Variants in ANXA4 observed in about 807,000 individuals in gnomAD.
ANXA4 encodes the protein 35-beta calcimedin.
Under a neutral mutation model 49.8 loss-of-function variants are expected in ANXA4, and 39 were observed. That is an observed-to-expected ratio of 0.78 (90% CI 0.61 to 1.02). The LOEUF is 1.02. Among genes scored for constraint, ANXA4 ranks in the 50% least tolerant of loss-of-function variants. ANXA4 has a pLI of 0.00. For synonymous variants in ANXA4, 134 were observed against 152.5 expected (o/e 0.88, Z 0.89); for missense variants, 360 against 410.1 (o/e 0.88, Z 1.05).
At chr2:69,651,817 T>TGGG (rs1218915002) in intron 1 of ANXA4, among the ~76,000 whole-genome samples, 30 of 12,564 alleles carry the variant, frequency 2.4e-3, no homozygotes, top group Non-Finnish European at 4.0e-3. Flanking sequence ...TTTTTTTTTT[T>TGGG]GGGGGGGGGG....
At chr2:69,644,237 C>T (rs1020023282), upstream of ANXA4, among the ~76,000 whole-genome samples, 16 of 143,870 alleles carry the variant, frequency 1.1e-4, no homozygotes, top group East Asian at 3.3e-3. Flanking sequence ...CCTCCTGGCA[C>T]AAGGGATTCT....
chr2:69,649,092 G>C (rs1168377367), intron 1 of ANXA4, among the ~76,000 whole-genome samples: 1 of 151,788 alleles, frequency 6.6e-6, no homozygotes. Context: ...CTCCATGTTG[G>C]TCAGGCTGGT....
At chr2:69,709,981 CTT>C (rs974347199) in intron 2 of ANXA4, among the ~76,000 whole-genome samples, 140 of 96,998 alleles carry the variant, frequency 1.4e-3, no homozygotes, top group African/African-American at 5.6e-3. Flanking sequence ...CACTTCCAGG[CTT>C]TTTTTTTTTT....
At chr2:69,728,527 G>A (rs1670019278) in intron 3 of ANXA4, among the ~76,000 whole-genome samples, 2 of 152,054 alleles carry the variant, frequency 1.3e-5, no homozygotes, top group Non-Finnish European at 2.9e-5. Flanking sequence ...TGTTTGAATG[G>A]CCAATCTATC....
chr2:69,807,470 T>C (rs1434370274), intron 5 of ANXA4, among the ~76,000 whole-genome samples: 1 of 152,176 alleles, frequency 6.6e-6, no homozygotes, highest in African/African-American at 2.4e-5. Context: ...TGTATTGTAC[T>C]CCTCATCATA....
chr2:69,766,924 T>TG (rs893192352), intron 1 of ANXA4, among the ~76,000 whole-genome samples: 6 of 152,224 alleles, frequency 3.9e-5, no homozygotes, highest in African/African-American at 1.4e-4. Flanking sequence ...GCACTCTTTC[T>TG]GGGGGGCAAG....
At chr2:69,820,941 C>A in intron 12 of ANXA4, 120 bp downstream of exon 12, 1 of 1,108,656 alleles carries the variant, frequency 9.0e-7, no homozygotes, top group Non-Finnish European at 1.2e-6. Flanking sequence ...AAAGATTATG[C>A]TCCCGATATT....
At chr2:69,819,805 C>T (rs566642240) in intron 11 of ANXA4, among the ~76,000 whole-genome samples, 16 of 152,130 alleles carry the variant, frequency 1.1e-4, no homozygotes, top group African/African-American at 1.4e-4. Flanking sequence ...CGGTGGCTCA[C>T]GCCTGTAATC....
At chr2:69,709,967 C>T (rs1467181924) in intron 2 of ANXA4, among the ~76,000 whole-genome samples, 1 of 149,838 alleles carries the variant, frequency 6.7e-6, no homozygotes, top group Non-Finnish European at 1.5e-5. Flanking sequence ...ATTATGGCAG[C>T]ATGCACTTCC....
intron 3 of ANXA4, among the ~76,000 whole-genome samples, chr2:69,794,196 C>G (rs1026400533): frequency 2.0e-5 from 3 of 152,186 alleles, no homozygotes; most frequent in African/African-American, 7.2e-5. Flanking sequence ...TTTGAGGAGG[C>G]AATTGTTTGT....
At chr2:69,807,839 C>T (rs1673511715) in intron 5 of ANXA4, 67 bp from the exon 6 acceptor site, 1 of 1,313,580 alleles carries the variant, frequency 7.6e-7, no homozygotes, top group Non-Finnish European at 1.1e-6. Flanking sequence ...AGATGTATTC[C>T]TTCTGTGTCT....
intron 1 of ANXA4, among the ~76,000 whole-genome samples, chr2:69,651,153 T>C (rs1676215351): frequency 6.6e-6 from 1 of 152,196 alleles, no homozygotes; most frequent in Non-Finnish European, 1.5e-5. Flanking sequence ...AATCAGTATG[T>C]AGTGAACTAC....
intron 3 of ANXA4, among the ~76,000 whole-genome samples, chr2:69,730,299 C>T (rs558436590): frequency 1.1e-4 from 17 of 152,204 alleles, no homozygotes; most frequent in East Asian, 9.7e-4. Context: ...GTCAGGAGTT[C>T]GAGACCAGCC....
chr2:69,663,326 T>TTTTTTTTTTTA (rs1198110358), intron 2 of ANXA4, among the ~76,000 whole-genome samples: 1 of 119,714 alleles, frequency 8.4e-6, no homozygotes, highest in Non-Finnish European at 1.7e-5. Flanking sequence ...TTTTTTTTTT[T>TTTTTTTTTTTA]TGCTAAATAT....
chr2:69,656,926 CTGTGAAATATCATACACTGTGAGCTAT>C (rs1433298546), intron 2 of ANXA4, among the ~76,000 whole-genome samples: 1 of 151,970 alleles, frequency 6.6e-6, no homozygotes, highest in East Asian at 1.9e-4. Context: ...CTGGAAACAA[CTGTGAAATATCATACACTGTGAGCTAT>C]TATAGTGGCT....
At chr2:69,708,725 G>A (rs1477284106) in intron 2 of ANXA4, among the ~76,000 whole-genome samples, 7 of 151,974 alleles carry the variant, frequency 4.6e-5, no homozygotes, top group African/African-American at 1.5e-4. Flanking sequence ...ACAATCGAGG[G>A]TGCCTGTGTA....
At chr2:69,779,016 A>C (rs1672084484) in intron 1 of ANXA4, among the ~76,000 whole-genome samples, 1 of 148,022 alleles carries the variant, frequency 6.8e-6, no homozygotes, top group African/African-American at 2.5e-5. Context: ...GCTGAGACAG[A>C]AGACTCGCTT....
intron 2 of ANXA4, among the ~76,000 whole-genome samples, chr2:69,688,524 A>G (rs1214653607): frequency 1.3e-5 from 2 of 152,224 alleles, no homozygotes; most frequent in Non-Finnish European, 2.9e-5. Context: ...ATTAGCTGGA[A>G]TACTTTTATA....
chr2:69,681,000 A>G (rs1677579760), intron 2 of ANXA4, among the ~76,000 whole-genome samples: 3 of 152,072 alleles, frequency 2.0e-5, no homozygotes, highest in South Asian at 4.2e-4. Flanking sequence ...AGTTTGGTAT[A>G]AGGATAATGC....
Sources: allele counts gnomAD v4.1 joint callset (sites outside exome capture counted in the v4.1 genomes callset), GRCh38; gene constraint gnomAD v4.1.1; transcripts MANE v1.5; gene names NCBI Gene and HGNC (gene_info 2026-07-23, HGNC 2026-07-21).